NBEA: variants seen among roughly 807,000 people sequenced by gnomAD.
NBEA encodes the protein lysosomal-trafficking regulator 2.
A neutral mutation model predicts 343.4 loss-of-function variants in NBEA; 44 were observed. The ratio of observed to expected loss-of-function variants is 0.13; its 90% CI spans 0.10 to 0.16. The LOEUF (loss-of-function observed/expected upper bound fraction) is 0.16, where lower values mean the gene tolerates loss of function less well. NBEA is among the 10% of genes least tolerant of loss of function. NBEA has a pLI of 1.00. For synonymous variants in NBEA, 1,175 were observed against 1,238.7 expected, an observed-to-expected ratio of 0.95 and a Z score of 1.08; for missense variants, 2,555 against 3,631.3, an observed-to-expected ratio of 0.70 and a Z score of 7.62.
chr13:34,947,492 AT>A lies in NBEA; in HGVS notation c.294+4388del, dbSNP rs544047665. 1.8e-3 allele frequency among the ~76,000 whole-genome samples: 262 copies of A among 148,386 alleles called. 1 individual carries two copies. Among genetic ancestry groups the A allele is most frequent in the Middle Eastern group, 0.014 (4 of 290 alleles). ...TGTATTATAAAATTCAGTCACCTGCATTTTTTTTTTAACTATATACTGAACA... is the reference window on the plus strand; with the variant it reads ...TGTATTATAAAATTCAGTCACCTGCATTTTTTTTTAACTATATACTGAACA... On this transcript the variant is annotated intron_variant, in intron 1 of 58. Coordinates refer to ENST00000379939, the MANE Select transcript of NBEA (RefSeq NM_001385012.1).
chr13:35,607,713 T>G (rs376896002), intron 48 of NBEA, among the ~76,000 whole-genome samples: 1 of 152,114 alleles, frequency 6.6e-6, no homozygotes, highest in Admixed American at 6.6e-5. Flanking sequence ...AAGAGCTTAA[T>G]TGAAATATAA....
intron 34 of NBEA, among the ~76,000 whole-genome samples, chr13:35,290,161 A>G (rs1054991382): frequency 1.3e-5 from 2 of 151,776 alleles, no homozygotes; most frequent in Non-Finnish European, 3.0e-5. Flanking sequence ...TCTTGTGACA[A>G]ACCCACAGCC....
chr13:35,177,569 G>A (rs1397180446), intron 28 of NBEA, among the ~76,000 whole-genome samples: 1 of 151,772 alleles, frequency 6.6e-6, no homozygotes, highest in African/African-American at 2.4e-5. Flanking sequence ...GGGAATTTGA[G>A]TTAGAAAGAT....
intron 4 of NBEA, among the ~76,000 whole-genome samples, chr13:35,046,810 G>A (rs1361213630): frequency 1.3e-5 from 2 of 152,042 alleles, no homozygotes; most frequent in Non-Finnish European, 1.5e-5. Flanking sequence ...CTGAAACTAT[G>A]AAACCACAGA....
chr13:35,145,072 A>T (rs2152698649), intron 18 of NBEA, among the ~76,000 whole-genome samples: 1 of 152,262 alleles, frequency 6.6e-6, no homozygotes, highest in Middle Eastern at 3.4e-3. Context: ...CTAATCCTGA[A>T]TTGTTAATAT....
intron 38 of NBEA, among the ~76,000 whole-genome samples, chr13:35,358,044 T>G (rs771944259): frequency 1.3e-5 from 2 of 152,054 alleles, no homozygotes; most frequent in African/African-American, 4.8e-5. Context: ...TCAATTGAGA[T>G]GGAGTCTCAC....
chr13:35,490,172 T>A (rs2076451432), intron 41 of NBEA, among the ~76,000 whole-genome samples: 1 of 151,974 alleles, frequency 6.6e-6, no homozygotes, highest in African/African-American at 2.4e-5. Flanking sequence ...GCTATAACTT[T>A]ATTAAAGCCT....
rs201233546 is a variant in NBEA at position 35,550,477 on chromosome 13, G to A, written c.6586G>A (p.Val2196Ile). The part of the protein sequence containing the change: ...DSAFKKIDTK[V>I]LAYTEGLHGK... ...CTTCCCTTTAAACTGTTTATTTTAG[G>A]TTCTTGCATACACTGAGGGACTTCA... is the stretch of plus-strand genomic sequence containing the variant. The change falls in exon 42 of 59, where the codon GTT (valine) becomes ATT (isoleucine). Residue 2196 changes from valine to isoleucine, a missense_variant and splice_region_variant. By Grantham distance (29) the Val-to-Ile change is conservative (BLOSUM62 3). This residue lies in a region of NBEA where 246 missense variants were observed against 313.7 expected (regional missense o/e 0.78). Transcript: ENST00000379939. The A allele has an allele frequency of 3.4e-5, 54 of 1,588,492 alleles. No homozygotes were observed. The highest frequency in any genetic ancestry group is 4.0e-5 in the Non-Finnish European group (46 of 1,159,232).
At chr13:35,296,733 T>C (rs9600458) in intron 35 of NBEA, among the ~76,000 whole-genome samples, 1,894 of 152,072 alleles carry the variant, frequency 0.012, 34 homozygotes, top group African/African-American at 0.043. Flanking sequence ...CTTTGAAAAA[T>C]AGTGAAAACT....
At chr13:35,347,483 C>T (rs1167037117) in intron 36 of NBEA, among the ~76,000 whole-genome samples, 2 of 151,984 alleles carry the variant, frequency 1.3e-5, no homozygotes, top group African/African-American at 4.8e-5. Flanking sequence ...ACTTCTTAAG[C>T]TTGCCCTTTA....
Position 35,159,889 on chromosome 13 carries a change from A to G in NBEA, c.3718A>G (p.Thr1240Ala), listed in dbSNP as rs1182267937. ...GCTGGAGTATGCTGAAATGACTGCT[A>G]CAACTCTGGAAACTGAGTCTTCTAG... ...KGLEYAEMTA[T>A]TLETESSSSK... Residue 1240 changes from threonine to alanine, a missense_variant, in exon 22 of 59, where the codon ACA (threonine) becomes GCA (alanine). Physicochemically the swap from Thr to Ala is moderately conservative, Grantham distance 58 (BLOSUM62 0). This residue lies in a region of NBEA where 367 missense variants were observed against 377.5 expected (regional missense o/e 0.97). Coordinates refer to ENST00000379939, the MANE Select transcript of NBEA (RefSeq NM_001385012.1). 5.6e-6 allele frequency: 9 copies of G among 1,600,792 alleles called. No homozygotes were observed. Among genetic ancestry groups the G allele is most frequent in the Non-Finnish European group, 7.7e-6 (9 of 1,172,912 alleles).
In NBEA at chr13:35,413,011, A is replaced by C. The variant is rs948853360; in HGVS notation, c.6180-19258A>C. Among the ~76,000 whole-genome samples the C allele has an allele frequency of 2.6e-5, 4 of 152,300 alleles. No homozygotes were observed. The East Asian group carries it at 7.7e-4, about 29-fold the overall frequency. On this transcript the variant is annotated intron_variant, in intron 38 of 58. Coordinates refer to ENST00000379939, the MANE Select transcript of NBEA (RefSeq NM_001385012.1). ...ACAATATTTAGAAAGGTACCTAAAC[A>C]CAATAAGCTCTCAGTAAATATTGGC...
At chr13:35,158,199 G>A (rs959623666) in intron 21 of NBEA, among the ~76,000 whole-genome samples, 1 of 151,812 alleles carries the variant, frequency 6.6e-6, no homozygotes, top group African/African-American at 2.4e-5. Flanking sequence ...AAAATTAAGG[G>A]GATTTTTGTA....
At chr13:35,242,791 T>C (rs1229980095) in intron 34 of NBEA, among the ~76,000 whole-genome samples, 1 of 151,756 alleles carries the variant, frequency 6.6e-6, no homozygotes, top group Non-Finnish European at 1.5e-5. Context: ...CAACCAATAA[T>C]ACTACCTCCA....
intron 50 of NBEA, 52 bp downstream of exon 50, chr13:35,645,983 G>A: frequency 8.5e-7 from 1 of 1,173,784 alleles, no homozygotes; most frequent in Non-Finnish European, 1.2e-6. Context: ...TTAGCTGCAT[G>A]CATGTATTCA....
At chr13:35,178,426 T>C (rs773170141) in intron 28 of NBEA, among the ~76,000 whole-genome samples, 26 of 151,844 alleles carry the variant, frequency 1.7e-4, no homozygotes, top group Non-Finnish European at 3.5e-4. Context: ...CAGTGACCTA[T>C]TCAGCCTTTA....
At chr13:34,974,588 T>C (rs1184381586) in intron 1 of NBEA, among the ~76,000 whole-genome samples, 1 of 152,204 alleles carries the variant, frequency 6.6e-6, no homozygotes, top group Non-Finnish European at 1.5e-5. Context: ...GTAATGTTAC[T>C]GTAAGCAGAG....
chr13:35,581,309 C>T (rs1469993502), intron 45 of NBEA, among the ~76,000 whole-genome samples: 2 of 151,920 alleles, frequency 1.3e-5, no homozygotes, highest in African/African-American at 4.8e-5. Context: ...TTAATGATTG[C>T]CATTCTAACT....
intron 41 of NBEA, among the ~76,000 whole-genome samples, chr13:35,491,869 C>A (rs2076512546): frequency 6.6e-6 from 1 of 151,852 alleles, no homozygotes; most frequent in Non-Finnish European, 1.5e-5. Flanking sequence ...ATGCCAAACA[C>A]AAGAGAGTTG....
Sources: allele counts gnomAD v4.1 joint callset (sites outside exome capture counted in the v4.1 genomes callset), GRCh38; gene constraint gnomAD v4.1.1; regional missense constraint gnomAD v4.1.1; transcripts MANE v1.5; gene names NCBI Gene and HGNC (gene_info 2026-07-23, HGNC 2026-07-21).